Variants in NCAM2 observed in about 807,000 individuals in gnomAD.
NCAM2 encodes N-CAM-2.
A neutral mutation model predicts 98.1 loss-of-function variants in NCAM2; 30 were observed. The ratio of observed to expected loss-of-function variants is 0.31; its 90% CI spans 0.23 to 0.41. The LOEUF is 0.41. Ranked by LOEUF, NCAM2 falls within the 10% of genes least tolerant of loss-of-function variation. The pLI is 1.00. For missense variants in NCAM2, 867 were observed against 1,005.8 expected, an observed-to-expected ratio of 0.86 and a Z score of 1.87; for synonymous variants, 368 against 342.4, an observed-to-expected ratio of 1.07 and a Z score of -0.83.
At chr21:21,137,380 A>G (rs768338441) in intron 1 of NCAM2, among the ~76,000 whole-genome samples, 28 of 152,234 alleles carry the variant, frequency 1.8e-4, no homozygotes, top group Admixed American at 3.9e-4. Flanking sequence ...ACACTTAAAA[A>G]TAATTGATAC....
chr21:21,131,901 A>C (rs1260909964), intron 1 of NCAM2, among the ~76,000 whole-genome samples: 1 of 152,214 alleles, frequency 6.6e-6, no homozygotes, highest in Non-Finnish European at 1.5e-5. Flanking sequence ...ATAAATAGCT[A>C]AGTGGCTTAA....
chr21:21,375,219 A>C (rs2076005417), intron 9 of NCAM2, among the ~76,000 whole-genome samples: 1 of 148,820 alleles, frequency 6.7e-6, no homozygotes, highest in Admixed American at 6.7e-5. Context: ...CAAAAACAAA[A>C]ACAAAAAAAA....
rs781225305 is a variant in NCAM2, at chr21:21,537,924, C to T, written c.2481C>T (p.Ile827=). 1.9e-6 allele frequency: 3 copies of T among 1,574,726 alleles called. No homozygotes were observed. In the African/African-American group the frequency reaches 4.1e-5, roughly 22 times the overall value. Residue 827 remains isoleucine, a synonymous_variant, in exon 18 of 18, where the codon ATC becomes ATT. Coordinates refer to ENST00000400546, the MANE Select transcript of NCAM2 (RefSeq NM_004540.5). ...ETIEIKVSND[I]IQSKEDDSKA is the part of the protein sequence containing the mutation. ...TAGAAATTAAAGTTTCTAACGACAT[C>T]ATTCAATCAAAAGAAGACGACAGCA...
At chr21:21,452,112 T>C (rs566492298) in intron 12 of NCAM2, among the ~76,000 whole-genome samples, 1 of 132,652 alleles carries the variant, frequency 7.5e-6, no homozygotes, top group East Asian at 2.0e-4. Flanking sequence ...TTATCTCTTA[T>C]GTTATGTAAT....
chr21:21,319,345 TA>T (rs2074310153), intron 5 of NCAM2, among the ~76,000 whole-genome samples: 1 of 152,124 alleles, frequency 6.6e-6, no homozygotes, highest in Non-Finnish European at 1.5e-5. Flanking sequence ...CTGTAATTAA[TA>T]AAAATAACTA....
intron 1 of NCAM2, among the ~76,000 whole-genome samples, chr21:21,211,749 TTC>T (rs2069667691): frequency 6.6e-6 from 1 of 152,318 alleles, no homozygotes; most frequent in South Asian, 2.1e-4. Context: ...TTTCGTTTAT[TTC>T]TCTCATGGAA....
chr21:21,497,983 G>C (rs1987364169), intron 15 of NCAM2, among the ~76,000 whole-genome samples: 1 of 152,046 alleles, frequency 6.6e-6, no homozygotes, highest in Non-Finnish European at 1.5e-5. Context: ...TGTGGATGCT[G>C]TAAATAGTAT....
At chr21:21,408,335 A>G (rs1159960258) in intron 9 of NCAM2, among the ~76,000 whole-genome samples, 1 of 152,184 alleles carries the variant, frequency 6.6e-6, no homozygotes, top group Non-Finnish European at 1.5e-5. Context: ...TATTTAGCAC[A>G]CCTAAGTACA....
chr21:21,301,384 ATTTT>A (rs531998939), intron 5 of NCAM2, among the ~76,000 whole-genome samples: 9 of 146,194 alleles, frequency 6.2e-5, no homozygotes, highest in South Asian at 4.3e-4. Flanking sequence ...TTTTTTTTCT[ATTTT>A]TTTTTTTTAA....
At chr21:21,177,860 A>T (rs1353599515) in intron 1 of NCAM2, among the ~76,000 whole-genome samples, 1 of 151,654 alleles carries the variant, frequency 6.6e-6, no homozygotes, top group African/African-American at 2.4e-5. Context: ...AATGAATTGC[A>T]CTTTATCTTC....
At chr21:21,486,323 A>C (rs1239871966) in intron 15 of NCAM2, among the ~76,000 whole-genome samples, 1 of 151,088 alleles carries the variant, frequency 6.6e-6, no homozygotes, top group East Asian at 1.9e-4. Flanking sequence ...AAAAAAAAAA[A>C]AAAAACTTCT....
rs543044297 is a variant in NCAM2 at position 21,454,487 on chromosome 21, C to T, written c.1655-12119C>T. On this transcript the variant is annotated intron_variant, in intron 12 of 17. Transcript: ENST00000400546. ...TATGTATGGGTACAGCTCATAAATA[C>T]GAACCTGTGTCATGCAACTCATATA... 1.4e-4 allele frequency among the ~76,000 whole-genome samples: 21 copies of T among 152,084 alleles called. No homozygotes were observed. The South Asian group carries it at 3.9e-3, about 29-fold the overall frequency.
rs566591429 is a variant in NCAM2 at position 21,540,270 on chromosome 21, T to C, written c.*2313T>C. 2.0e-4 allele frequency: 25 copies of C among 124,606 alleles called. No individual in the cohort carries two copies. Among genetic ancestry groups the C allele is most frequent in the East Asian group, 1.0e-3 (5 of 5,002 alleles). 7.7% of individuals were successfully genotyped at this position (124,606 alleles called of 1,614,324 possible). ...CATATATTTCATATATATATACACA[T>C]ATATATATATACACATATATATACA... On this transcript the variant is annotated 3_prime_UTR_variant, in exon 18 of 18. Coordinates refer to ENST00000400546, the MANE Select transcript of NCAM2 (RefSeq NM_004540.5).
At chr21:21,039,535 G>A (rs548881079) in intron 1 of NCAM2, among the ~76,000 whole-genome samples, 1 of 152,254 alleles carries the variant, frequency 6.6e-6, no homozygotes, top group Admixed American at 6.5e-5. Context: ...GTCTATACAT[G>A]TAATACAATA....
chr21:21,516,684 T>C (rs1422023779), intron 16 of NCAM2, among the ~76,000 whole-genome samples: 1 of 152,104 alleles, frequency 6.6e-6, no homozygotes, highest in African/African-American at 2.4e-5. Flanking sequence ...ACTTTCAACT[T>C]CCTCCCTCAC....
intron 9 of NCAM2, among the ~76,000 whole-genome samples, chr21:21,407,352 C>T (rs1406304948): frequency 6.6e-6 from 1 of 152,176 alleles, no homozygotes; most frequent in African/African-American, 2.4e-5. Context: ...TTTAATGTGG[C>T]TTTCAGTATA....
intron 9 of NCAM2, among the ~76,000 whole-genome samples, chr21:21,405,105 A>G (rs1306708276): frequency 1.3e-5 from 2 of 151,964 alleles, no homozygotes; most frequent in Non-Finnish European, 2.9e-5. Flanking sequence ...ATATATTATT[A>G]TTATACTTAC....
intron 1 of NCAM2, among the ~76,000 whole-genome samples, chr21:21,035,655 T>A (rs2064781516): frequency 6.6e-6 from 1 of 152,174 alleles, no homozygotes; most frequent in South Asian, 2.1e-4. Context: ...CTTGAAATTC[T>A]TACCCAGCTC....
chr21:21,022,018 A>G (rs1568935617), intron 1 of NCAM2, among the ~76,000 whole-genome samples: 2 of 152,144 alleles, frequency 1.3e-5, no homozygotes, highest in Non-Finnish European at 2.9e-5. Context: ...TGAAAACAGT[A>G]ACACAAGAAA....
Sources: allele counts gnomAD v4.1 joint callset (sites outside exome capture counted in the v4.1 genomes callset), GRCh38; gene constraint gnomAD v4.1.1; transcripts MANE v1.5; gene names NCBI Gene and HGNC (gene_info 2026-07-23, HGNC 2026-07-21).